Variants in TRMT10A observed in about 807,000 individuals in gnomAD.
TRMT10A encodes the protein tRNA methyltransferase 10A.
Under a neutral mutation model 40.4 loss-of-function variants are expected in TRMT10A, and 37 were observed. The ratio of observed to expected loss-of-function variants is 0.92; its 90% CI spans 0.71 to 1.21. The LOEUF is 1.21. TRMT10A is among the 50% of genes most tolerant of loss of function. The pLI is 0.00. For missense variants in TRMT10A, 388 were observed against 404.3 expected, an observed-to-expected ratio of 0.96 and a Z score of 0.35; for synonymous variants, 103 against 134.1, an observed-to-expected ratio of 0.77 and a Z score of 1.60.
chr4:99,550,805 A>G, intron 7 of TRMT10A, 80 bp downstream of exon 7: 1 of 1,013,766 alleles, frequency 9.9e-7, no homozygotes, highest in African/African-American at 1.6e-5. Context: ...AATACTTTCT[A>G]CTTGTTCAAA....
At chr4:99,563,663 G>C in intron 1 of TRMT10A, 2 of 333,928 alleles carry the variant, frequency 6.0e-6, no homozygotes, top group South Asian at 4.6e-5. Flanking sequence ...CTCCCAGCCA[G>C]CAAACGCATT....
chr4:99,550,580 AG>A (rs1281149491), intron 7 of TRMT10A, among the ~76,000 whole-genome samples: 1 of 152,226 alleles, frequency 6.6e-6, no homozygotes, highest in Non-Finnish European at 1.5e-5. Flanking sequence ...TATGTAATAT[AG>A]TGAAAATCCA....
At chr4:99,557,675 T>C (rs892255528) in intron 3 of TRMT10A, 14 of 416,672 alleles carry the variant, frequency 3.4e-5, no homozygotes, top group African/African-American at 2.3e-4. Flanking sequence ...GGCTACTCTC[T>C]AAAGAGACAA....
In TRMT10A at chr4:99,559,147, C is replaced by T; in HGVS notation, c.185+7G>A. 1.2e-6 allele frequency: 2 copies of T among 1,608,516 alleles called. No homozygotes were observed. Among genetic ancestry groups the T allele is most frequent in the Non-Finnish European group, 1.7e-6 (2 of 1,176,708 alleles). On this transcript the variant is annotated splice_region_variant and intron_variant, in intron 2 of 7. Coordinates refer to ENST00000394876, the MANE Select transcript of TRMT10A (RefSeq NM_001134665.3). ...GGAAGAGAGCATATACATTTTGAAA[C>T]ACATACTTGCGGAGTTCCCGTTGCT...
At chr4:99,554,738 A>AAAG (rs1553924214) in intron 5 of TRMT10A, among the ~76,000 whole-genome samples, 21 of 151,690 alleles carry the variant, frequency 1.4e-4, no homozygotes, top group Middle Eastern at 3.4e-3. Context: ...AAAAAAAAAA[A>AAAG]AAAGAAAGAA....
Position 99,550,898 on chromosome 4 carries a change from C to T in TRMT10A, c.738G>A (p.Leu246=). The change falls in exon 7 of 8, where the codon TTG becomes TTA. Residue 246 remains leucine, a synonymous_variant. Coordinates refer to ENST00000394876, the MANE Select transcript of TRMT10A (RefSeq NM_001134665.3). ...CTTACAGCTTACCATGATTAACTGCCAAAACTTTTCGACTATTCATCTTCA... is the reference window on the plus strand; with the variant it reads ...CTTACAGCTTACCATGATTAACTGCTAAAACTTTTCGACTATTCATCTTCA... ...NFVKMNSRKV[L]AVNHVFEIIL... 6.2e-7 allele frequency: 1 copy of T among 1,612,784 alleles called. No individual in the cohort carries two copies. The highest frequency in any genetic ancestry group is 8.5e-7 in the Non-Finnish European group (1 of 1,179,374).
rs1472444996 is a variant in TRMT10A, at chr4:99,560,896, A to G, written c.-23-1535T>C. Among the ~76,000 whole-genome samples, 4 of 152,080 alleles carry G rather than the reference A, an allele frequency of 2.6e-5. No homozygotes were observed. The South Asian group carries it at 6.2e-4, about 24-fold the overall frequency. On this transcript the variant is annotated intron_variant, in intron 1 of 7. Transcript: ENST00000394876. ...TCTGTTTATCAGTGGCATCATTTTC[A>G]GTTAGTTCTCTATTTTATTCAAAAA...
Position 99,554,001 on chromosome 4 carries a change from ATT to A in TRMT10A, c.496-69_496-68del, listed in dbSNP as rs1433912258. On this transcript the variant is annotated intron_variant, in intron 5 of 7. Transcript: ENST00000394876. ...TTATGAAAGTTGGCTAAAAATGATT[ATT>A]CTCTTTTCCCAAAACAAATCCATTC... 4.0e-6 allele frequency: 6 copies of A among 1,509,052 alleles called. No individual in the cohort carries two copies. In the African/African-American group the frequency reaches 8.4e-5, roughly 21 times the overall value. 93.5% of individuals were successfully genotyped at this position (1,509,052 alleles called of 1,614,324 possible).
intron 4 of TRMT10A, among the ~76,000 whole-genome samples, chr4:99,556,946 T>G (rs1482873581): frequency 6.6e-6 from 1 of 152,132 alleles, no homozygotes; most frequent in Admixed American, 6.5e-5. Context: ...AACCTTTAAG[T>G]AGACAAAATC....
chr4:99,553,091 C>T (rs1724026065), intron 6 of TRMT10A, among the ~76,000 whole-genome samples: 1 of 152,064 alleles, frequency 6.6e-6, no homozygotes, highest in Non-Finnish European at 1.5e-5. Context: ...CTGCAACTGT[C>T]CAATTGGTAG....
chr4:99,558,735 G>A (rs1437975097), intron 2 of TRMT10A, among the ~76,000 whole-genome samples: 1 of 152,066 alleles, frequency 6.6e-6, no homozygotes, highest in East Asian at 1.9e-4. Flanking sequence ...AACAGTTCTT[G>A]TGGCAAAATC....
At chr4:99,552,810 C>T (rs963155524) in intron 6 of TRMT10A, among the ~76,000 whole-genome samples, 7 of 151,798 alleles carry the variant, frequency 4.6e-5, no homozygotes, top group African/African-American at 1.7e-4. Flanking sequence ...CTATGTCCAA[C>T]CAGAACTGAA....
intron 7 of TRMT10A, 113 bp from the exon 8 acceptor site, chr4:99,549,469 T>C (rs1723880657): frequency 5.2e-6 from 7 of 1,338,574 alleles, no homozygotes; most frequent in Non-Finnish European, 6.1e-6. Flanking sequence ...TCCTAATAAC[T>C]ACTTTGTTCT....
At position 99,548,741 on chromosome 4, in the gene TRMT10A, T is replaced by C. The variant is rs530312391; in HGVS notation, c.*347A>G. On this transcript the variant is annotated 3_prime_UTR_variant, in exon 8 of 8. Transcript: ENST00000394876. Reference sequence around the variant, plus strand: ...TAGATCATAAAGATGTTGATGTGACTATAAAATTAAAAAACTGAAAGGTCA... The same window carrying C: ...TAGATCATAAAGATGTTGATGTGACCATAAAATTAAAAAACTGAAAGGTCA... 5 of 175,844 alleles carry C rather than the reference T, an allele frequency of 2.8e-5. No individual in the cohort carries two copies. In the East Asian group the frequency reaches 8.0e-4, roughly 28 times the overall value. 10.9% of individuals were successfully genotyped at this position (175,844 alleles called of 1,614,324 possible). A position where few individuals can be genotyped will look rare whatever the true frequency, so the allele number is the denominator to read the frequency against.
rs1724055712 is a variant in TRMT10A, at chr4:99,553,884, GTCT to G, written c.543_545del (p.Glu181del). 6.2e-7 allele frequency: 1 copy of G among 1,613,424 alleles called. No homozygotes were observed. ...GTGAATCTGACGTAAGGTAAATCAGGTCTTCTTTCTTTATGAGTTCACTATAGT... is the reference window on the plus strand; with the variant it reads ...GTGAATCTGACGTAAGGTAAATCAGGTCTTTCTTTATGAGTTCACTATAGT... On this transcript the variant is annotated inframe_deletion, in exon 6 of 8. Transcript: ENST00000394876.
chr4:99,561,505 T>C (rs567765297), intron 1 of TRMT10A, among the ~76,000 whole-genome samples: 1 of 152,232 alleles, frequency 6.6e-6, no homozygotes, highest in African/African-American at 2.4e-5. Context: ...CTAAGTGAAG[T>C]TTTTAGGCTT....
In TRMT10A at chr4:99,558,148, G is replaced by A. The variant is rs1724241390; in HGVS notation, c.249C>T (p.Asn83=). The change falls in exon 3 of 8, where the codon AAC becomes AAT. Residue 83 remains asparagine (N), a synonymous_variant. Transcript: ENST00000394876. The part of the protein sequence containing the change: ...KLERQCQMEP[N]SDGHDRKRVR... ...CACGTTTTCTGTCATGTCCATCTGA[G>A]TTTGGTTCCATTTGACATTGTCGCT... 2 of 1,611,338 alleles carry A rather than the reference G, an allele frequency of 1.2e-6. No individual in the cohort carries two copies. Among genetic ancestry groups the A allele is most frequent in the Non-Finnish European group, 1.7e-6 (2 of 1,178,998 alleles).
At chr4:99,563,704 ACCAGGGAG>A (rs1259036329) in intron 1 of TRMT10A, 1 of 372,520 alleles carries the variant, frequency 2.7e-6, no homozygotes, top group Non-Finnish European at 5.2e-6. Context: ...TCTCTGGCGA[ACCAGGGAG>A]CAGCTGGGTA....
intron 3 of TRMT10A, chr4:99,557,739 C>T: frequency 2.5e-6 from 1 of 405,464 alleles, no homozygotes; most frequent in Non-Finnish European, 4.4e-6. Context: ...ACCAACAACA[C>T]TGGTAAAACC....
Sources: allele counts gnomAD v4.1 joint callset (sites outside exome capture counted in the v4.1 genomes callset), GRCh38; gene constraint gnomAD v4.1.1; transcripts MANE v1.5; gene names NCBI Gene and HGNC (gene_info 2026-07-23, HGNC 2026-07-21).